GPC6: variants seen among roughly 807,000 people sequenced by gnomAD.
GPC6 encodes the protein glypican-6.
GPC6 carries 14 observed loss-of-function variants against 55.2 expected under a neutral mutation model. The ratio of observed to expected loss-of-function variants is 0.25; its 90% CI spans 0.17 to 0.40. GPC6 has a LOEUF of 0.40. GPC6 is among the 10% of genes least tolerant of loss of function. The pLI is 1.00. For missense variants in GPC6, 641 were observed against 708.5 expected (o/e 0.90, Z 1.08); for synonymous variants, 278 against 259.6 (o/e 1.07, Z -0.68).
chr13:93,232,571 C>T (rs991197541), intron 1 of GPC6, among the ~76,000 whole-genome samples: 3 of 152,114 alleles, frequency 2.0e-5, no homozygotes, highest in African/African-American at 7.2e-5. Flanking sequence ...TACTTTTTTA[C>T]ATAAAATATC....
rs145587494 is a variant in GPC6, at chr13:93,658,615, A to G, written c.319+113194A>G. On this transcript the variant is annotated intron_variant, in intron 2 of 8. Transcript: ENST00000377047. Reference sequence around the variant, plus strand: ...TTTTACCCTGTTAATGTAATAGTTTACATTGATTGATTTCAAATATTGAAG... The same window carrying G: ...TTTTACCCTGTTAATGTAATAGTTTGCATTGATTGATTTCAAATATTGAAG... Among the ~76,000 whole-genome samples, 5 of 151,824 alleles carry G rather than the reference A, an allele frequency of 3.3e-5. No individual in the cohort carries two copies. The East Asian group carries it at 9.7e-4, about 29-fold the overall frequency.
intron 2 of GPC6, among the ~76,000 whole-genome samples, chr13:93,612,581 C>T (rs187573811): frequency 6.7e-6 from 1 of 149,910 alleles, no homozygotes; most frequent in East Asian, 2.0e-4. Flanking sequence ...GGTTAGAATT[C>T]TACTGTAATA....
chr13:93,386,529 T>A (rs1322228927), intron 1 of GPC6, among the ~76,000 whole-genome samples: 1 of 152,180 alleles, frequency 6.6e-6, no homozygotes, highest in Non-Finnish European at 1.5e-5. Context: ...ACCCAGCTTC[T>A]TAAAGGGTAA....
rs1347386166 is a variant in GPC6, at chr13:93,892,514, A to G, written c.711+61969A>G. Among the ~76,000 whole-genome samples, 3 of 152,150 alleles carry G rather than the reference A, an allele frequency of 2.0e-5. No individual in the cohort carries two copies. In the East Asian group the frequency reaches 5.8e-4, roughly 29 times the overall value. On this transcript the variant is annotated intron_variant, in intron 3 of 8. Coordinates refer to ENST00000377047, the MANE Select transcript of GPC6 (RefSeq NM_005708.5). Reference sequence around the variant, plus strand: ...TGATTCTGTAAATGCTTGTTTGACTATTTTAAATTTATTTTGCCACTTAGT... The same window carrying G: ...TGATTCTGTAAATGCTTGTTTGACTGTTTTAAATTTATTTTGCCACTTAGT...
chr13:93,897,678 A>G (rs1190241107), intron 3 of GPC6, among the ~76,000 whole-genome samples: 2 of 152,102 alleles, frequency 1.3e-5, no homozygotes, highest in African/African-American at 4.8e-5. Flanking sequence ...CATTCAGCAT[A>G]GGCCCCTTCA....
intron 2 of GPC6, among the ~76,000 whole-genome samples, chr13:93,769,130 A>G (rs965062515): frequency 1.3e-5 from 2 of 152,166 alleles, no homozygotes; most frequent in Non-Finnish European, 2.9e-5. Flanking sequence ...CTCAGGGATA[A>G]GGTTTTCTAA....
chr13:93,553,505 G>A (rs1010903795), intron 2 of GPC6, among the ~76,000 whole-genome samples: 5 of 150,756 alleles, frequency 3.3e-5, no homozygotes, highest in East Asian at 2.0e-4. Flanking sequence ...AGCCTGGCCC[G>A]CATGGTGAAA....
chr13:94,164,990 A>T (rs1566488272), intron 4 of GPC6, among the ~76,000 whole-genome samples: 1 of 151,872 alleles, frequency 6.6e-6, no homozygotes, highest in African/African-American at 2.4e-5. Flanking sequence ...GAGTGTGGAG[A>T]TTTTTTAAAG....
intron 1 of GPC6, among the ~76,000 whole-genome samples, chr13:93,530,664 TTA>T (rs2139412733): frequency 6.6e-6 from 1 of 152,278 alleles, no homozygotes; most frequent in South Asian, 2.1e-4. Context: ...AGAACAGCAA[TTA>T]TTAAAAATAA....
In GPC6 at chr13:94,404,914, C is replaced by T. The variant is rs2139236495; in HGVS notation, c.*1697C>T. ...GGGCTTTATGAATACAGTTGGCTAT[C>T]CATATGTTTCTTAGTTTTTATGATG... On this transcript the variant is annotated 3_prime_UTR_variant, in exon 9 of 9. Coordinates refer to ENST00000377047, the MANE Select transcript of GPC6 (RefSeq NM_005708.5). 9 of 152,226 alleles carry T rather than the reference C, an allele frequency of 5.9e-5. 1 individual carries two copies. In the Middle Eastern group the frequency reaches 0.024, roughly 403 times the overall value. 9.4% of individuals were successfully genotyped at this position (152,226 alleles called of 1,614,324 possible). A position where few individuals can be genotyped will look rare whatever the true frequency, so the allele number is the denominator to read the frequency against.
At chr13:93,611,267 T>C (rs1174092780) in intron 2 of GPC6, among the ~76,000 whole-genome samples, 1 of 152,124 alleles carries the variant, frequency 6.6e-6, no homozygotes, top group Non-Finnish European at 1.5e-5. Flanking sequence ...TTATTGGAGA[T>C]TGTGGCATGT....
At chr13:93,712,332 CAT>C (rs1227449275) in intron 2 of GPC6, among the ~76,000 whole-genome samples, 2 of 151,644 alleles carry the variant, frequency 1.3e-5, no homozygotes, top group African/African-American at 4.8e-5. Flanking sequence ...ATAGGGCAAT[CAT>C]ATGAAATATA....
At chr13:94,247,689 G>A (rs1891237070) in intron 4 of GPC6, among the ~76,000 whole-genome samples, 1 of 152,052 alleles carries the variant, frequency 6.6e-6, no homozygotes. Context: ...TTGCATGTTT[G>A]GGGGTAAATC....
chr13:94,367,366 T>C (rs751032675), intron 6 of GPC6, among the ~76,000 whole-genome samples: 1 of 152,228 alleles, frequency 6.6e-6, no homozygotes, highest in Non-Finnish European at 1.5e-5. Context: ...TCAATAGATA[T>C]TAGTTCAATG....
intron 3 of GPC6, among the ~76,000 whole-genome samples, chr13:93,863,622 A>G (rs1888878505): frequency 1.3e-5 from 2 of 151,650 alleles, no homozygotes; most frequent in South Asian, 2.1e-4. Flanking sequence ...AATCGCATCC[A>G]TCACTGGACC....
At chr13:94,123,178 GTA>G (rs1886695937) in intron 4 of GPC6, among the ~76,000 whole-genome samples, 2 of 151,894 alleles carry the variant, frequency 1.3e-5, no homozygotes, top group Admixed American at 6.6e-5. Flanking sequence ...AAATATTTAA[GTA>G]TCAATATTTG....
At chr13:93,528,890 A>G (rs1881756443) in intron 1 of GPC6, among the ~76,000 whole-genome samples, 2 of 152,198 alleles carry the variant, frequency 1.3e-5, no homozygotes, top group Non-Finnish European at 2.9e-5. Context: ...TATCATTGAA[A>G]AAGAAAGCAT....
intron 3 of GPC6, among the ~76,000 whole-genome samples, chr13:93,993,044 C>G (rs1042108990): frequency 7.9e-5 from 12 of 152,190 alleles, no homozygotes; most frequent in Admixed American, 3.3e-4. Flanking sequence ...GGTTTTGGAG[C>G]AATTTCAATA....
intron 1 of GPC6, among the ~76,000 whole-genome samples, chr13:93,391,987 A>G (rs1448362293): frequency 2.6e-5 from 4 of 152,172 alleles, no homozygotes; most frequent in African/African-American, 4.8e-5. Flanking sequence ...GCTCTCTTAC[A>G]GAAGGTGTTC....
Sources: allele counts gnomAD v4.1 joint callset (sites outside exome capture counted in the v4.1 genomes callset), GRCh38; gene constraint gnomAD v4.1.1; transcripts MANE v1.5; gene names NCBI Gene and HGNC (gene_info 2026-07-23, HGNC 2026-07-21).